The following PTPRD variants were observed in gnomAD, a reference collection of about 807,000 sequenced individuals.
The protein encoded by PTPRD is protein tyrosine phosphatase receptor type D.
PTPRD carries 34 observed loss-of-function variants against 214.5 expected under a neutral mutation model. The observed-to-expected ratio is 0.16, with a 90% CI of 0.12 to 0.21. PTPRD has a LOEUF of 0.21. Among genes scored for constraint, PTPRD ranks in the 10% least tolerant of loss-of-function variants. The pLI is 1.00. For missense variants in PTPRD, 2,545 were observed against 2,398.7 expected (o/e 1.06, Z -1.27); for synonymous variants, 1,128 against 845.7 (o/e 1.33, Z -5.79).
intron 9 of PTPRD, among the ~76,000 whole-genome samples, chr9:9,211,353 G>T (rs902249717): frequency 6.6e-6 from 1 of 152,112 alleles, no homozygotes; most frequent in African/African-American, 2.4e-5. Context: ...AATAGGTCTT[G>T]TGTCCTAAGT....
chr9:9,777,102 T>C (rs55736789), intron 5 of PTPRD, among the ~76,000 whole-genome samples: 7,944 of 152,322 alleles, frequency 0.052, 287 homozygotes, highest in Non-Finnish European at 0.079. Context: ...CTAGTTGTTA[T>C]GGCTAACATG....
At chr9:8,859,772 C>T (rs1394104921) in intron 11 of PTPRD, among the ~76,000 whole-genome samples, 1 of 149,986 alleles carries the variant, frequency 6.7e-6, no homozygotes, top group African/African-American at 2.4e-5. Context: ...TTAAAGGAAT[C>T]TCTCTAAACG....
At chr9:9,059,489 C>G (rs1360762334) in intron 10 of PTPRD, among the ~76,000 whole-genome samples, 1 of 151,914 alleles carries the variant, frequency 6.6e-6, no homozygotes, top group African/African-American at 2.4e-5. Context: ...AGAAAATAAC[C>G]CAGGCATAAG....
chr9:8,380,354 A>G (rs12235640), intron 37 of PTPRD, among the ~76,000 whole-genome samples: 51,466 of 151,960 alleles, frequency 0.34, 10,137 homozygotes, highest in Non-Finnish European at 0.44. Context: ...GTGGGCCCCA[A>G]TGTCTTCTGA....
chr9:9,229,353 A>G lies in PTPRD; in HGVS notation c.-202-45990T>C, dbSNP rs551096535. 3.3e-5 allele frequency among the ~76,000 whole-genome samples: 5 copies of G among 152,256 alleles called. No individual in the cohort carries two copies. The East Asian group carries it at 7.8e-4, about 24-fold the overall frequency. ...AAGGCTACAAGGGGCCCAGAGAATT[A>G]AGACAGATAGGAAGACCATGTGAGC... On this transcript the variant is annotated intron_variant, in intron 9 of 45. Transcript: ENST00000381196.
At chr9:9,579,691 T>G (rs926385020) in intron 7 of PTPRD, among the ~76,000 whole-genome samples, 9 of 152,296 alleles carry the variant, frequency 5.9e-5, no homozygotes, top group African/African-American at 2.2e-4. Flanking sequence ...CAGTTAGATG[T>G]AGCTTAGAGA....
intron 9 of PTPRD, among the ~76,000 whole-genome samples, chr9:9,292,326 GC>G (rs1210501451): frequency 2.0e-5 from 3 of 151,128 alleles, no homozygotes; most frequent in Non-Finnish European, 4.4e-5. Flanking sequence ...TTTGTTCATG[GC>G]CAACTTTGTC....
intron 2 of PTPRD, among the ~76,000 whole-genome samples, chr9:10,425,616 C>G (rs1398511664): frequency 6.6e-6 from 1 of 151,954 alleles, no homozygotes; most frequent in African/African-American, 2.4e-5. Flanking sequence ...TCTCTGGATT[C>G]TGTTGTTTTT....
chr9:8,388,246 G>C lies in PTPRD; in HGVS notation c.4386+986C>G, dbSNP rs569390063. Among the ~76,000 whole-genome samples, 5 of 152,210 alleles carry C rather than the reference G, an allele frequency of 3.3e-5. No homozygotes were observed. The South Asian group carries it at 1.0e-3, about 32-fold the overall frequency. On this transcript the variant is annotated intron_variant, in intron 37 of 45. Coordinates refer to ENST00000381196, the MANE Select transcript of PTPRD (RefSeq NM_002839.4). ...CCCAGGCTTAGAGAAACTTCCATGT[G>C]TTGAGCTTAGAAGAACATTTACAGA...
At chr9:8,602,755 CATAA>C (rs2094945045) in intron 14 of PTPRD, among the ~76,000 whole-genome samples, 2 of 152,238 alleles carry the variant, frequency 1.3e-5, no homozygotes, top group African/African-American at 4.8e-5. Flanking sequence ...CATGCAGTTA[CATAA>C]ATAAATGAAT....
intron 11 of PTPRD, among the ~76,000 whole-genome samples, chr9:8,840,267 A>G (rs1410815033): frequency 6.6e-6 from 1 of 152,162 alleles, no homozygotes; most frequent in Non-Finnish European, 1.5e-5. Flanking sequence ...AGGTAATCGA[A>G]TCATGAGGGC....
chr9:9,924,165 G>GA (rs1382759963), intron 5 of PTPRD, among the ~76,000 whole-genome samples: 2 of 151,926 alleles, frequency 1.3e-5, no homozygotes, highest in Non-Finnish European at 2.9e-5. Context: ...AGAATAGTGG[G>GA]AAAAGAGTCC....
chr9:9,626,218 C>T (rs573760399), intron 7 of PTPRD, among the ~76,000 whole-genome samples: 2 of 152,180 alleles, frequency 1.3e-5, no homozygotes, highest in Non-Finnish European at 2.9e-5. Flanking sequence ...TTTTTATTTC[C>T]TTTCACGTAA....
At chr9:8,831,142 T>A (rs1244245499) in intron 11 of PTPRD, among the ~76,000 whole-genome samples, 2 of 152,078 alleles carry the variant, frequency 1.3e-5, no homozygotes, top group East Asian at 3.9e-4. Context: ...AAGGGTTTTG[T>A]TTTTCTGATA....
In PTPRD at chr9:9,120,575, G is replaced by A. The variant is rs2099816665; in HGVS notation, c.-143+62729C>T. 2.0e-5 allele frequency among the ~76,000 whole-genome samples: 3 copies of A among 152,334 alleles called. No homozygotes were observed. The South Asian group carries it at 6.2e-4, about 32-fold the overall frequency. ...AGTCAAACATTTGCAGAGTTCCTGA[G>A]TTAGGTGGTATTCTATAAGCTACCT... On this transcript the variant is annotated intron_variant, in intron 10 of 45. Transcript: ENST00000381196.
intron 3 of PTPRD, among the ~76,000 whole-genome samples, chr9:10,132,976 C>T (rs557071097): frequency 1.5e-5 from 2 of 135,056 alleles, no homozygotes; most frequent in Non-Finnish European, 3.3e-5. Flanking sequence ...TAGCTTCTGC[C>T]TTGGCATTGT....
chr9:8,580,254 A>G (rs1727033745), intron 14 of PTPRD, among the ~76,000 whole-genome samples: 1 of 152,200 alleles, frequency 6.6e-6, no homozygotes, highest in Non-Finnish European at 1.5e-5. Flanking sequence ...TAAGCATTAG[A>G]GGGAGATAAC....
chr9:9,027,516 G>A (rs954741156), intron 10 of PTPRD, among the ~76,000 whole-genome samples: 1 of 151,884 alleles, frequency 6.6e-6, no homozygotes, highest in Non-Finnish European at 1.5e-5. Context: ...AACAGGAAGA[G>A]TATAGTATAA....
At chr9:8,326,468 T>A (rs1170766792) in intron 44 of PTPRD, among the ~76,000 whole-genome samples, 1 of 151,412 alleles carries the variant, frequency 6.6e-6, no homozygotes, top group African/African-American at 2.4e-5. Flanking sequence ...TGGATTCGGT[T>A]TGCCAGTATT....
Sources: gnomAD v4.1 joint callset for allele counts (sites outside exome capture counted in the v4.1 genomes callset) on GRCh38, gnomAD v4.1.1 for gene constraint, MANE v1.5 for transcripts, NCBI Gene and HGNC (gene_info 2026-07-23, HGNC 2026-07-21) for gene names.